Variants in CDH12 observed in about 807,000 individuals in gnomAD.
CDH12 encodes the protein cadherin 12.
CDH12 carries 41 observed loss-of-function variants against 74.1 expected under a neutral mutation model. That is an observed-to-expected ratio of 0.55 (90% CI 0.43 to 0.72). The LOEUF is 0.72. Among genes scored for constraint, CDH12 ranks in the 30% least tolerant of loss-of-function variants. CDH12 has a pLI of 0.00. For synonymous variants in CDH12, 399 were observed against 355.0 expected, an observed-to-expected ratio of 1.12 and a Z score of -1.39; for missense variants, 945 against 977.2, an observed-to-expected ratio of 0.97 and a Z score of 0.44.
chr5:22,129,344 G>C (rs1214528258), intron 4 of CDH12, among the ~76,000 whole-genome samples: 1 of 152,298 alleles, frequency 6.6e-6, no homozygotes, highest in South Asian at 2.1e-4. Flanking sequence ...GTGTGTGCAA[G>C]TTGCTAGGCA....
At chr5:21,913,771 G>A (rs1441750510) in intron 6 of CDH12, among the ~76,000 whole-genome samples, 1 of 152,058 alleles carries the variant, frequency 6.6e-6, no homozygotes, top group East Asian at 1.9e-4. Context: ...GACCTCCTGA[G>A]CACAAGCGAG....
intron 11 of CDH12, among the ~76,000 whole-genome samples, chr5:21,772,062 A>C (rs1474785613): frequency 6.6e-6 from 1 of 152,126 alleles, no homozygotes; most frequent in African/African-American, 2.4e-5. Context: ...GCCTGAGCTA[A>C]GTTTTTCAGA....
At chr5:22,534,030 G>A (rs936008398) in intron 1 of CDH12, among the ~76,000 whole-genome samples, 1 of 151,936 alleles carries the variant, frequency 6.6e-6, no homozygotes, top group East Asian at 1.9e-4. Flanking sequence ...CCAAGACAAT[G>A]AAAAAATTTT....
intron 3 of CDH12, among the ~76,000 whole-genome samples, chr5:22,397,120 T>G (rs1275406005): frequency 6.6e-6 from 1 of 152,086 alleles, no homozygotes; most frequent in Non-Finnish European, 1.5e-5. Context: ...CCCTTGTAGG[T>G]AGATGAGGCT....
intron 1 of CDH12, among the ~76,000 whole-genome samples, chr5:22,518,180 GA>G (rs1665659812): frequency 6.6e-6 from 1 of 152,168 alleles, no homozygotes; most frequent in South Asian, 2.1e-4. Flanking sequence ...TAGACAAGAG[GA>G]ATTAATGTGT....
chr5:22,700,834 T>C (rs2126959276), intron 1 of CDH12, among the ~76,000 whole-genome samples: 2 of 152,324 alleles, frequency 1.3e-5, no homozygotes, highest in African/African-American at 4.8e-5. Flanking sequence ...TCCTTAACTT[T>C]GAGCCAATTT....
intron 4 of CDH12, among the ~76,000 whole-genome samples, chr5:22,135,607 T>C (rs991231327): frequency 3.9e-5 from 6 of 152,038 alleles, no homozygotes; most frequent in African/African-American, 1.2e-4. Flanking sequence ...AATCAGGGCA[T>C]ATATTCAGAC....
intron 3 of CDH12, among the ~76,000 whole-genome samples, chr5:22,374,104 A>G (rs766298204): frequency 2.0e-5 from 3 of 152,196 alleles, no homozygotes; most frequent in Non-Finnish European, 1.5e-5. Flanking sequence ...TCAAAAAGAT[A>G]ATATGCCATG....
At chr5:22,338,827 T>A in intron 3 of CDH12, among the ~76,000 whole-genome samples, 1 of 152,228 alleles carries the variant, frequency 6.6e-6, no homozygotes, top group Non-Finnish European at 1.5e-5. Context: ...ATTAACTTGT[T>A]GGCTTTGAAG....
At chr5:22,768,644 C>G (rs1230739108) in intron 1 of CDH12, among the ~76,000 whole-genome samples, 1 of 151,952 alleles carries the variant, frequency 6.6e-6, no homozygotes, top group African/African-American at 2.4e-5. Context: ...CTATCATCAT[C>G]TATAAAGAGA....
chr5:22,027,711 C>G (rs904613594), intron 5 of CDH12, among the ~76,000 whole-genome samples: 3 of 151,750 alleles, frequency 2.0e-5, no homozygotes, highest in African/African-American at 7.3e-5. Context: ...CTCTTTTTTT[C>G]TTTATTAGTC....
chr5:22,228,432 G>C (rs1482877368), intron 3 of CDH12, among the ~76,000 whole-genome samples: 1 of 151,954 alleles, frequency 6.6e-6, no homozygotes. Flanking sequence ...TTGTAACTAT[G>C]TTAACATTTA....
Position 21,869,352 on chromosome 5 carries a change from C to T in CDH12, c.527-14562G>A, listed in dbSNP as rs10072140. ...TCTTCCTGTAAAGAACCATGAACAG[C>T]TGATGTACTTGTGGAAGGCAAAGGG... is the stretch of plus-strand genomic sequence containing the variant. On this transcript the variant is annotated intron_variant, in intron 6 of 14. Transcript: ENST00000382254. Among the ~76,000 whole-genome samples, 1,362 of 152,148 alleles carry T rather than the reference C, an allele frequency of 9.0e-3. 18 individuals carry two copies. Among genetic ancestry groups the T allele is most frequent in the African/African-American group, 0.03 (1,225 of 41,498 alleles).
chr5:22,021,296 C>T (rs1737956928), intron 5 of CDH12, among the ~76,000 whole-genome samples: 1 of 151,986 alleles, frequency 6.6e-6, no homozygotes, highest in Admixed American at 6.6e-5. Flanking sequence ...ATTTTGAAGC[C>T]CTTTGAATTT....
At chr5:21,889,102 A>G (rs904237017) in intron 6 of CDH12, among the ~76,000 whole-genome samples, 3 of 152,170 alleles carry the variant, frequency 2.0e-5, no homozygotes, top group Admixed American at 1.3e-4. Context: ...TTTTTAATCC[A>G]GAAAACGTAA....
At chr5:22,165,607 C>A (rs1215518020) in intron 4 of CDH12, among the ~76,000 whole-genome samples, 2 of 152,114 alleles carry the variant, frequency 1.3e-5, no homozygotes, top group Non-Finnish European at 2.9e-5. Flanking sequence ...GGCCTTTGAA[C>A]CACAGCAACT....
intron 1 of CDH12, among the ~76,000 whole-genome samples, chr5:22,780,159 G>C (rs371353500): frequency 6.6e-6 from 1 of 152,244 alleles, no homozygotes; most frequent in African/African-American, 2.4e-5. Flanking sequence ...GCCAAGGGAG[G>C]AGGATCACTT....
At chr5:22,784,159 TAA>T (rs1747515568) in intron 1 of CDH12, among the ~76,000 whole-genome samples, 1 of 152,088 alleles carries the variant, frequency 6.6e-6, no homozygotes, top group African/African-American at 2.4e-5. Context: ...CATTTTTTCA[TAA>T]AATATACCAT....
chr5:22,516,695 T>C (rs1198763103), intron 1 of CDH12, among the ~76,000 whole-genome samples: 1 of 151,976 alleles, frequency 6.6e-6, no homozygotes, highest in African/African-American at 2.4e-5. Context: ...CTAGCGAGAC[T>C]GGAGTGGGAG....
Sources: gnomAD v4.1 joint callset for allele counts (sites outside exome capture counted in the v4.1 genomes callset) on GRCh38, gnomAD v4.1.1 for gene constraint, MANE v1.5 for transcripts, NCBI Gene and HGNC (gene_info 2026-07-23, HGNC 2026-07-21) for gene names.